RGS17: variants seen among roughly 807,000 people sequenced by gnomAD.
RGS17 encodes regulator of G-protein signaling 17.
RGS17 carries 12 observed loss-of-function variants against 25.5 expected under a neutral mutation model. The ratio of observed to expected loss-of-function variants is 0.47; its 90% CI spans 0.30 to 0.76. The LOEUF is 0.76. Among genes scored for constraint, RGS17 ranks in the 30% least tolerant of loss-of-function variants. RGS17 has a pLI of 0.07. For missense variants in RGS17, 196 were observed against 242.2 expected (o/e 0.81, Z 1.27); for synonymous variants, 71 against 76.9 (o/e 0.92, Z 0.40).
intron 2 of RGS17, among the ~76,000 whole-genome samples, chr6:153,033,157 T>C (rs376217960): frequency 2.0e-5 from 3 of 152,318 alleles, no homozygotes; most frequent in South Asian, 4.1e-4. Context: ...CGCATCTGTT[T>C]GAAAAGATGG....
intron 1 of RGS17, among the ~76,000 whole-genome samples, chr6:153,105,654 G>T (rs114368337): frequency 6.6e-6 from 1 of 151,558 alleles, no homozygotes; most frequent in Non-Finnish European, 1.5e-5. Flanking sequence ...TCTTCCAAGT[G>T]GATGAAGGCA....
intron 1 of RGS17, among the ~76,000 whole-genome samples, chr6:153,086,644 CA>C (rs1377574799): frequency 6.6e-6 from 1 of 152,174 alleles, no homozygotes; most frequent in Non-Finnish European, 1.5e-5. Flanking sequence ...ACTTAACTGT[CA>C]CAAACACATC....
intron 1 of RGS17, among the ~76,000 whole-genome samples, chr6:153,089,151 T>A (rs755789137): frequency 1.4e-4 from 20 of 147,228 alleles, no homozygotes; most frequent in Non-Finnish European, 2.2e-4. Context: ...AATGGTACAC[T>A]TTTTTTTTTC....
rs535714942 is a variant in RGS17, at chr6:153,005,247, G to A, written c.*6327C>T. The A allele has an allele frequency of 6.6e-5, 10 of 152,200 alleles. No homozygotes were observed. Among genetic ancestry groups the A allele is most frequent in the Non-Finnish European group, 1.0e-4 (7 of 67,980 alleles). 9.4% of individuals were successfully genotyped at this position (152,200 alleles called of 1,614,324 possible). A position where few individuals can be genotyped will look rare whatever the true frequency, so the allele number is the denominator to read the frequency against. ...TATGTGGAGGATTATTGTAAATTGC[G>A]CAGACAGTTCAAGGGAAAAATTCAC... On this transcript the variant is annotated 3_prime_UTR_variant, in exon 5 of 5. Coordinates refer to ENST00000206262, the MANE Select transcript of RGS17 (RefSeq NM_012419.5).
chr6:153,074,532 T>A (rs984333463), intron 1 of RGS17, among the ~76,000 whole-genome samples: 1 of 152,190 alleles, frequency 6.6e-6, no homozygotes, highest in Admixed American at 6.5e-5. Flanking sequence ...ATGTTGGAAA[T>A]CGCTGGAACT....
intron 1 of RGS17, among the ~76,000 whole-genome samples, chr6:153,099,597 G>T (rs1379420642): frequency 5.3e-5 from 8 of 152,110 alleles, no homozygotes; most frequent in Admixed American, 5.2e-4. Flanking sequence ...GAGTGATTTT[G>T]TATTTCACAA....
chr6:153,128,469 G>A (rs1181170750), intron 1 of RGS17, among the ~76,000 whole-genome samples: 1 of 152,124 alleles, frequency 6.6e-6, no homozygotes, highest in Non-Finnish European at 1.5e-5. Context: ...GAAAGCCCAT[G>A]TATTTTAGCA....
chr6:153,020,480 C>G (rs900335321), intron 4 of RGS17, among the ~76,000 whole-genome samples: 23 of 151,942 alleles, frequency 1.5e-4, no homozygotes, highest in African/African-American at 5.1e-4. Flanking sequence ...ACACAATGCT[C>G]AAATTATTAC....
intron 3 of RGS17, 32 bp from the exon 4 acceptor site, chr6:153,024,528 G>C: frequency 6.7e-7 from 1 of 1,502,722 alleles, no homozygotes; most frequent in African/African-American, 1.4e-5. Flanking sequence ...GTGATCAAAG[G>C]GAACTTTGTG....
chr6:153,017,922 CTA>C (rs1472946004), intron 4 of RGS17, among the ~76,000 whole-genome samples: 2 of 151,964 alleles, frequency 1.3e-5, no homozygotes, highest in African/African-American at 4.8e-5. Flanking sequence ...TTTGGTATTC[CTA>C]TGTTAAATTT....
rs1284936592 is a variant in RGS17, at chr6:153,006,742, GTTTTA to G, written c.*4827_*4831del. 6.6e-6 allele frequency: 1 copy of G among 152,092 alleles called. No homozygotes were observed. The highest frequency in any genetic ancestry group is 2.4e-5 in the African/African-American group (1 of 41,406). 9.4% of individuals were successfully genotyped at this position (152,092 alleles called of 1,614,324 possible). A position where few individuals can be genotyped will look rare whatever the true frequency, so the allele number is the denominator to read the frequency against. ...GCCACACTTTATTCTTTCCACGTTT[GTTTTA>G]TTTAATGCTCATAGTTATCCTGATA... On this transcript the variant is annotated 3_prime_UTR_variant, in exon 5 of 5. Transcript: ENST00000206262.
intron 1 of RGS17, among the ~76,000 whole-genome samples, chr6:153,101,682 T>C (rs1406217941): frequency 1.3e-5 from 2 of 152,108 alleles, no homozygotes; most frequent in African/African-American, 2.4e-5. Flanking sequence ...AGGGGTCTGG[T>C]GGGAGGTGAC....
In RGS17 at chr6:153,092,449, G is replaced by T. The variant is rs556950053; in HGVS notation, c.-26+38675C>A. Among the ~76,000 whole-genome samples, 23 of 152,244 alleles carry T rather than the reference G, an allele frequency of 1.5e-4. No individual in the cohort carries two copies. In the South Asian group the frequency reaches 3.1e-3, roughly 21 times the overall value. On this transcript the variant is annotated intron_variant, in intron 1 of 4. Transcript: ENST00000206262. ...CTCTCTAGGAAACTACAGTATTTTG[G>T]TATCAGTTCTCTAAAGCAACTGCCT...
At chr6:153,120,517 C>T (rs969166977) in intron 1 of RGS17, among the ~76,000 whole-genome samples, 2 of 152,044 alleles carry the variant, frequency 1.3e-5, no homozygotes, top group South Asian at 2.1e-4. Flanking sequence ...CAGTTTAGGC[C>T]TCTTCTCTCA....
rs757235911 is a variant in RGS17 at position 153,019,699 on chromosome 6, T to C, written c.444+4563A>G. ...CTTGATCTCCCTTCATCTTATGCCA[T>C]GATTATAAGCTTCCTGAGGCCTCCC... On this transcript the variant is annotated intron_variant, in intron 4 of 4. Coordinates refer to ENST00000206262, the MANE Select transcript of RGS17 (RefSeq NM_012419.5). 3.5e-4 allele frequency among the ~76,000 whole-genome samples: 53 copies of C among 152,176 alleles called. 2 individuals are homozygous for C. The highest frequency in any genetic ancestry group is 2.4e-3 in the Admixed American group (36 of 15,284).
intron 2 of RGS17, among the ~76,000 whole-genome samples, chr6:153,027,388 T>C (rs911838911): frequency 6.6e-6 from 1 of 152,056 alleles, no homozygotes. Flanking sequence ...GGTGAGGTCA[T>C]GGGAGATACT....
chr6:153,073,446 A>G (rs1031579468), intron 1 of RGS17, among the ~76,000 whole-genome samples: 44 of 152,164 alleles, frequency 2.9e-4, no homozygotes, highest in Non-Finnish European at 5.9e-5. Flanking sequence ...AGGGTCCCAG[A>G]AAGTAACCAA....
At chr6:153,021,878 G>A (rs1779251229) in intron 4 of RGS17, among the ~76,000 whole-genome samples, 1 of 152,134 alleles carries the variant, frequency 6.6e-6, no homozygotes, top group Non-Finnish European at 1.5e-5. Context: ...AGATTTTAGT[G>A]ACTTTCTGGT....
chr6:153,111,055 T>G (rs541888125), intron 1 of RGS17, among the ~76,000 whole-genome samples: 1 of 151,546 alleles, frequency 6.6e-6, no homozygotes, highest in Admixed American at 6.6e-5. Flanking sequence ...TTTTTTTTTT[T>G]CATACCCCAG....
Sources: allele counts gnomAD v4.1 joint callset (sites outside exome capture counted in the v4.1 genomes callset), GRCh38; gene constraint gnomAD v4.1.1; transcripts MANE v1.5; gene names NCBI Gene and HGNC (gene_info 2026-07-23, HGNC 2026-07-21).